DPY19L2: variants seen among roughly 807,000 people sequenced by gnomAD.
DPY19L2 encodes the protein probable C-mannosyltransferase DPY19L2.
In DPY19L2, 34 loss-of-function variants were observed where a neutral mutation model predicts 97.9. That is an observed-to-expected ratio of 0.35 (90% CI 0.26 to 0.46). The LOEUF (loss-of-function observed/expected upper bound fraction) is 0.46, where lower values mean the gene tolerates loss of function less well. Ranked by LOEUF, DPY19L2 falls within the 20% of genes least tolerant of loss-of-function variation. The pLI, the probability that DPY19L2 is intolerant of heterozygous loss-of-function variation, is 1.00. For synonymous variants in DPY19L2, 230 were observed against 307.9 expected (o/e 0.75, Z 2.65); for missense variants, 623 against 911.4 (o/e 0.68, Z 4.07).
chr12:63,662,452 A>T (rs2532206), intron 3 of DPY19L2, among the ~76,000 whole-genome samples: 1 of 151,262 alleles, frequency 6.6e-6, no homozygotes, highest in Non-Finnish European at 1.5e-5. Flanking sequence ...AACAATTAAA[A>T]GATATCTAAT....
chr12:63,602,246 T>C (rs1193167280), intron 12 of DPY19L2, among the ~76,000 whole-genome samples: 1 of 151,130 alleles, frequency 6.6e-6, no homozygotes, highest in Non-Finnish European at 1.5e-5. Context: ...AGAAAGGGAA[T>C]GGAAGAAAAG....
chr12:63,567,029 T>G (rs2137264533), intron 21 of DPY19L2, among the ~76,000 whole-genome samples: 1 of 152,240 alleles, frequency 6.6e-6, no homozygotes, highest in African/African-American at 2.4e-5. Context: ...GTTCTGGCTT[T>G]CTTGACATAT....
At chr12:63,644,540 T>C in intron 5 of DPY19L2, 44 bp from the exon 6 acceptor site, 1 of 1,591,400 alleles carries the variant, frequency 6.3e-7, no homozygotes, top group Non-Finnish European at 8.5e-7. Context: ...AATATATGAC[T>C]CTAAGGCAAT....
At chr12:63,597,763 G>C in intron 14 of DPY19L2, 46 bp downstream of exon 14, 1 of 1,537,648 alleles carries the variant, frequency 6.5e-7, no homozygotes, top group Non-Finnish European at 8.9e-7. Context: ...AAAACCTAGA[G>C]CAAAAAACTC....
chr12:63,652,118 G>C (rs1197569512), intron 4 of DPY19L2, among the ~76,000 whole-genome samples: 1 of 152,058 alleles, frequency 6.6e-6, no homozygotes, highest in African/African-American at 2.4e-5. Flanking sequence ...AAAAAAAGTA[G>C]GTGAAGGACA....
In DPY19L2 at chr12:63,591,001, T is replaced by C. The variant is rs753946943; in HGVS notation, c.1580+3086A>G. Reference sequence around the variant, plus strand: ...ATATGAAGACAGTTGCCACATACCCTTCAATCTTCTATTATCCAATTAAAT... The same window carrying C: ...ATATGAAGACAGTTGCCACATACCCCTCAATCTTCTATTATCCAATTAAAT... On this transcript the variant is annotated intron_variant, in intron 16 of 21. Coordinates refer to ENST00000324472, the MANE Select transcript of DPY19L2 (RefSeq NM_173812.5). The C allele has an allele frequency of 8.2e-5, 37 of 453,144 alleles. 1 individual carries two copies. The Middle Eastern group carries it at 1.6e-3, about 20-fold the overall frequency. The allele number at this position is 453,144 out of a possible 1,614,324, so 28.1% of individuals were successfully genotyped here.
intron 12 of DPY19L2, among the ~76,000 whole-genome samples, chr12:63,608,326 A>T (rs897298768): frequency 1.3e-5 from 2 of 152,150 alleles, no homozygotes; most frequent in African/African-American, 4.8e-5. Context: ...CTCAAGACAA[A>T]CAAATTTTAA....
chr12:63,644,452 A>G lies in DPY19L2; in HGVS notation c.754T>C (p.Leu252=). 1 of 1,611,956 alleles carries G rather than the reference A, an allele frequency of 6.2e-7. No individual in the cohort carries two copies. Among genetic ancestry groups the G allele is most frequent in the South Asian group, 1.1e-5 (1 of 90,612 alleles). ...AACAATCCCATCATTAGTCCATTTA[A>G]AATAAAGATTACACCAACATAAAAG... ...ACFYVGVIFI[L]NGLMMGLFFM... The change falls in exon 6 of 22, where the codon TTA becomes CTA. Residue 252 remains leucine, a synonymous_variant. Transcript: ENST00000324472.
chr12:63,572,161 G>C (rs1430246922), intron 19 of DPY19L2, among the ~76,000 whole-genome samples: 1 of 152,146 alleles, frequency 6.6e-6, no homozygotes, highest in Non-Finnish European at 1.5e-5. Context: ...TGGCATTTCT[G>C]GACCTGCCCT....
At position 63,668,433 on chromosome 12, in the gene DPY19L2, A is replaced by G. The variant is rs1184660282; in HGVS notation, c.-40T>C. ...GTGGAGCTGGGTCAATTTCAGGCACAGCCCAGCCGAGTCAGGCGAGGTCCA... is the reference window on the plus strand; with the variant it reads ...GTGGAGCTGGGTCAATTTCAGGCACGGCCCAGCCGAGTCAGGCGAGGTCCA... On this transcript the variant is annotated 5_prime_UTR_variant, in exon 1 of 22. Transcript: ENST00000324472. 5 of 1,524,766 alleles carry G rather than the reference A, an allele frequency of 3.3e-6. No homozygotes were observed. Among genetic ancestry groups the G allele is most frequent in the African/African-American group, 1.4e-5 (1 of 72,886 alleles). The allele number at this position is 1,524,766 out of a possible 1,614,324, so 94.5% of individuals were successfully genotyped here. A position where few individuals can be genotyped will look rare whatever the true frequency, so the allele number is the denominator to read the frequency against.
upstream of DPY19L2, chr12:63,668,603 A>C (rs1896617280): frequency 5.2e-6 from 3 of 576,136 alleles, no homozygotes; most frequent in Non-Finnish European, 9.2e-6. Context: ...GTGTCCCCTC[A>C]CGTGCTCCCC....
At chr12:63,619,502 G>A (rs934869021) in intron 9 of DPY19L2, among the ~76,000 whole-genome samples, 3 of 151,476 alleles carry the variant, frequency 2.0e-5, no homozygotes, top group Admixed American at 1.3e-4. Context: ...AACATTAACA[G>A]CAATATCAAA....
intron 21 of DPY19L2, among the ~76,000 whole-genome samples, chr12:63,567,389 T>C (rs995865693): frequency 1.3e-5 from 2 of 152,044 alleles, no homozygotes; most frequent in African/African-American, 4.8e-5. Flanking sequence ...ACAACAAGCA[T>C]CTTTAACATA....
At position 63,582,598 on chromosome 12, in the gene DPY19L2, T is replaced by C. The variant is rs1036855342; in HGVS notation, c.1606-73A>G. On this transcript the variant is annotated intron_variant, in intron 17 of 21. Transcript: ENST00000324472. ...TTAAATTAATGAAGTATATTAAAAC[T>C]ATATTATTCATTAAGACAAGGATCT... The C allele has an allele frequency of 7.0e-6, 10 of 1,424,748 alleles. No homozygotes were observed. The African/African-American group carries it at 8.7e-5, about 12-fold the overall frequency. 88.3% of individuals were successfully genotyped at this position (1,424,748 alleles called of 1,614,324 possible).
intron 16 of DPY19L2, among the ~76,000 whole-genome samples, chr12:63,586,035 G>A (rs1881731986): frequency 6.6e-6 from 1 of 152,100 alleles, no homozygotes; most frequent in Non-Finnish European, 1.5e-5. Context: ...AATAGATAAT[G>A]TGATAAAAGC....
chr12:63,618,667 C>T (rs1888213631), intron 9 of DPY19L2, among the ~76,000 whole-genome samples: 1 of 152,070 alleles, frequency 6.6e-6, no homozygotes. Flanking sequence ...AAAGGCCATA[C>T]TATAATAGTG....
chr12:63,572,013 A>T (rs1205389493), intron 19 of DPY19L2, among the ~76,000 whole-genome samples: 2 of 149,666 alleles, frequency 1.3e-5, no homozygotes, highest in Non-Finnish European at 3.0e-5. Context: ...CCCCTCAGGA[A>T]CACCAAATGT....
chr12:63,604,843 T>A (rs1490016355), intron 12 of DPY19L2, among the ~76,000 whole-genome samples: 4 of 152,178 alleles, frequency 2.6e-5, no homozygotes, highest in African/African-American at 7.2e-5. Context: ...AGTGTTGACA[T>A]CTGTTGACTG....
intron 4 of DPY19L2, among the ~76,000 whole-genome samples, chr12:63,658,715 A>G (rs1050584569): frequency 2.0e-5 from 3 of 152,118 alleles, no homozygotes; most frequent in Non-Finnish European, 2.9e-5. Flanking sequence ...TCTCCAAGGA[A>G]GTATTACTCA....
Sources: gnomAD v4.1 joint callset for allele counts (sites outside exome capture counted in the v4.1 genomes callset) on GRCh38, gnomAD v4.1.1 for gene constraint, MANE v1.5 for transcripts, NCBI Gene and HGNC (gene_info 2026-07-23, HGNC 2026-07-21) for gene names.